ADGRL3: variants seen among roughly 807,000 people sequenced by gnomAD.
The protein encoded by ADGRL3 is adhesion G protein-coupled receptor L3.
ADGRL3 carries 62 observed loss-of-function variants against 153.5 expected under a neutral mutation model. That is an observed-to-expected ratio of 0.40 (90% CI 0.33 to 0.50). ADGRL3 has a LOEUF of 0.50. Among genes scored for constraint, ADGRL3 ranks in the 20% least tolerant of loss-of-function variants. The probability of loss-of-function intolerance (pLI) is 0.47; values close to 1 mark genes in which losing one functional copy is unlikely to be tolerated. For missense variants in ADGRL3, 1,641 were observed against 1,859.4 expected (o/e 0.88, Z 2.16); for synonymous variants, 710 against 672.5 (o/e 1.06, Z -0.86).
In ADGRL3 at chr4:62,075,546, A is replaced by G. The variant is rs1005036336; in HGVS notation, c.*4638A>G. ...ACAATATATATGAAGTTCCCAGTAC[A>G]TTGTAGACCAAGGTGTTAAAATTTA... On this transcript the variant is annotated 3_prime_UTR_variant, in exon 27 of 27. Coordinates refer to ENST00000683033, the MANE Select transcript of ADGRL3 (RefSeq NM_001387552.1). 6.6e-6 allele frequency: 1 copy of G among 152,216 alleles called. No homozygotes were observed. Among genetic ancestry groups the G allele is most frequent in the Admixed American group, 6.5e-5 (1 of 15,268 alleles). The allele number at this position is 152,216 out of a possible 1,614,324, so 9.4% of individuals were successfully genotyped here.
intron 17 of ADGRL3, among the ~76,000 whole-genome samples, chr4:61,965,638 C>A (rs2099003681): frequency 6.6e-6 from 1 of 152,064 alleles, no homozygotes; most frequent in East Asian, 2.0e-4. Context: ...GTAGTCCCAG[C>A]TACTCGGGAG....
At chr4:61,701,774 T>G (rs774109307) in intron 6 of ADGRL3, among the ~76,000 whole-genome samples, 5 of 152,024 alleles carry the variant, frequency 3.3e-5, no homozygotes, top group Non-Finnish European at 7.4e-5. Flanking sequence ...CATGATAGCT[T>G]AGAAGGCACC....
intron 3 of ADGRL3, among the ~76,000 whole-genome samples, chr4:61,506,873 TG>T (rs1300945436): frequency 8.5e-5 from 13 of 152,268 alleles, no homozygotes; most frequent in Non-Finnish European, 1.5e-4. Context: ...GTTGTTGTGT[TG>T]GAGAATAACA....
chr4:61,214,557 CAG>C (rs1447384375), intron 1 of ADGRL3, among the ~76,000 whole-genome samples: 8 of 152,110 alleles, frequency 5.3e-5, no homozygotes, highest in African/African-American at 1.9e-4. Context: ...AGTAATTAAA[CAG>C]AACATTTTGG....
chr4:61,868,382 T>C (rs2098415911), intron 9 of ADGRL3, among the ~76,000 whole-genome samples: 1 of 152,132 alleles, frequency 6.6e-6, no homozygotes, highest in Non-Finnish European at 1.5e-5. Context: ...ATTAGCATCA[T>C]CTATCCACAC....
At chr4:61,367,071 G>A (rs1396885150) in intron 1 of ADGRL3, among the ~76,000 whole-genome samples, 2 of 152,004 alleles carry the variant, frequency 1.3e-5, no homozygotes, top group African/African-American at 4.8e-5. Context: ...AATTTAATTT[G>A]TCATCCATTT....
chr4:61,251,556 G>A (rs1163791626), intron 1 of ADGRL3, among the ~76,000 whole-genome samples: 5 of 152,132 alleles, frequency 3.3e-5, no homozygotes, highest in Non-Finnish European at 7.4e-5. Context: ...GTACAGTGTC[G>A]AGCAACTTGT....
intron 3 of ADGRL3, among the ~76,000 whole-genome samples, chr4:61,516,283 T>G (rs565934124): frequency 4.1e-4 from 62 of 152,254 alleles, no homozygotes; most frequent in African/African-American, 1.4e-3. Context: ...CTTGCATTAT[T>G]GATTTTCTTA....
intron 21 of ADGRL3, among the ~76,000 whole-genome samples, chr4:62,008,737 A>G (rs1056695103): frequency 2.6e-5 from 4 of 151,680 alleles, no homozygotes; most frequent in Middle Eastern, 7.0e-3. Context: ...ATGTGTGTGT[A>G]TATATAGATA....
At chr4:61,516,659 A>G (rs1249135667) in intron 3 of ADGRL3, among the ~76,000 whole-genome samples, 4 of 152,252 alleles carry the variant, frequency 2.6e-5, no homozygotes, top group South Asian at 2.1e-4. Context: ...ATTTGTCAGT[A>G]AAATCACTGT....
At chr4:61,201,954 T>C (rs1325505358) in intron 1 of ADGRL3, among the ~76,000 whole-genome samples, 189 bp downstream of exon 1, 2 of 151,904 alleles carry the variant, frequency 1.3e-5, no homozygotes, top group Admixed American at 1.3e-4. Context: ...ACCTCCTGGC[T>C]GGTGGGCGCT....
intron 1 of ADGRL3, among the ~76,000 whole-genome samples, chr4:61,203,406 C>T (rs1692614011): frequency 6.6e-6 from 1 of 152,140 alleles, no homozygotes; most frequent in South Asian, 2.1e-4. Context: ...CTGCTGTCGT[C>T]TGTTGTGTTT....
At chr4:61,776,496 G>T (rs757649997) in intron 8 of ADGRL3, among the ~76,000 whole-genome samples, 1 of 152,050 alleles carries the variant, frequency 6.6e-6, no homozygotes, top group Non-Finnish European at 1.5e-5. Context: ...TGGGGTCAGG[G>T]TCTGAAATCA....
chr4:61,244,828 C>T (rs901641084), intron 1 of ADGRL3, among the ~76,000 whole-genome samples: 1 of 152,044 alleles, frequency 6.6e-6, no homozygotes, highest in African/African-American at 2.4e-5. Flanking sequence ...TACAACTTCA[C>T]CGATGGCTTC....
chr4:61,871,135 A>G (rs1193884098), intron 9 of ADGRL3, among the ~76,000 whole-genome samples: 5 of 152,022 alleles, frequency 3.3e-5, no homozygotes, highest in Non-Finnish European at 4.4e-5. Context: ...AAAATTAGCC[A>G]GGTGTGGTGG....
At chr4:61,542,102 T>C (rs1018686573) in intron 4 of ADGRL3, among the ~76,000 whole-genome samples, 1 of 152,186 alleles carries the variant, frequency 6.6e-6, no homozygotes, top group African/African-American at 2.4e-5. Flanking sequence ...TAAGTAGAGA[T>C]GACTGTGTGA....
At chr4:62,029,182 T>C (rs1323435138) in intron 22 of ADGRL3, among the ~76,000 whole-genome samples, 2 of 151,896 alleles carry the variant, frequency 1.3e-5, no homozygotes, top group East Asian at 3.9e-4. Context: ...TTCCCTTTCA[T>C]TGTGATGTGT....
At chr4:61,479,927 G>GT (rs951848819) in intron 2 of ADGRL3, among the ~76,000 whole-genome samples, 41 of 151,228 alleles carry the variant, frequency 2.7e-4, no homozygotes, top group African/African-American at 8.2e-4. Flanking sequence ...AGGTTCACAA[G>GT]TTTTTTTTTG....
chr4:61,349,351 A>T (rs1212934398), intron 1 of ADGRL3, among the ~76,000 whole-genome samples: 2 of 152,102 alleles, frequency 1.3e-5, no homozygotes, highest in African/African-American at 2.4e-5. Flanking sequence ...AAATGTTTTC[A>T]TTCTACTGAG....
Sources: gnomAD v4.1 joint callset for allele counts (sites outside exome capture counted in the v4.1 genomes callset) on GRCh38, gnomAD v4.1.1 for gene constraint, MANE v1.5 for transcripts, NCBI Gene and HGNC (gene_info 2026-07-23, HGNC 2026-07-21) for gene names.